FTCDNL1: variants seen among roughly 807,000 people sequenced by gnomAD.
The protein encoded by FTCDNL1 is formiminotransferase cyclodeaminase N-terminal like.
In FTCDNL1, 11 loss-of-function variants were observed where a neutral mutation model predicts 5.9. The observed-to-expected ratio is 1.87, with a 90% CI of 1.18 to 3.10. The LOEUF (loss-of-function observed/expected upper bound fraction) is 3.10. FTCDNL1 is among the 30% of genes most tolerant of loss of function. The pLI is 0.00. For synonymous variants in FTCDNL1, 58 were observed against 24.8 expected (o/e 2.34, Z -3.99); for missense variants, 115 against 65.5 (o/e 1.76, Z -2.61).
chr2:199,669,358 C>T, the FTCDNL1 span, among the ~76,000 whole-genome samples: 1 of 152,160 alleles, frequency 6.6e-6, no homozygotes, highest in South Asian at 2.1e-4. Context: ...GGGAAACAAA[C>T]AGCTTGGAGG....
At chr2:199,765,556 A>ATATTTT in intron 3 of FTCDNL1, among the ~76,000 whole-genome samples, 11 of 42,652 alleles carry the variant, frequency 2.6e-4, no homozygotes, top group Admixed American at 8.5e-4. Context: ...ATATATATAT[A>ATATTTT]TTTTTTTTTT....
chr2:199,809,641 A>G lies in FTCDNL1; in HGVS notation c.*3064T>C, dbSNP rs1000741311. Among the ~76,000 whole-genome samples, 1 of 152,212 alleles carries G rather than the reference A, an allele frequency of 6.6e-6. No homozygotes were observed. The highest frequency in any genetic ancestry group is 1.9e-4 in the East Asian group (1 of 5,202). The stretch of plus-strand genomic sequence containing the variant: ...CTTTCAAATAAAATTTCTTCTGCCA[A>G]TACCCTTCTCTTTGCTCAAAAACAG... On this transcript the variant is annotated 3_prime_UTR_variant, in exon 5 of 5. Transcript: ENST00000420128.
chr2:199,728,733 G>C, the FTCDNL1 span, among the ~76,000 whole-genome samples: 30 of 152,192 alleles, frequency 2.0e-4, no homozygotes, highest in African/African-American at 7.0e-4. Context: ...GCTATCATTT[G>C]ATCACATTGA....
the FTCDNL1 span, among the ~76,000 whole-genome samples, chr2:199,701,742 C>T: frequency 3.3e-5 from 5 of 152,106 alleles, no homozygotes; most frequent in Admixed American, 6.6e-5. Flanking sequence ...CACTTATAAG[C>T]GGGAGCTAGG....
At chr2:199,717,596 A>G in the FTCDNL1 span, among the ~76,000 whole-genome samples, 4 of 145,262 alleles carry the variant, frequency 2.8e-5, no homozygotes, top group East Asian at 2.1e-4. Flanking sequence ...ATAATATACA[A>G]CCAACAAGGA....
chr2:199,796,600 C>T (rs1700183310), intron 3 of FTCDNL1, among the ~76,000 whole-genome samples: 1 of 152,020 alleles, frequency 6.6e-6, no homozygotes, highest in Non-Finnish European at 1.5e-5. Context: ...TTCTTCAAGT[C>T]GATGTCCAGA....
Position 199,819,728 on chromosome 2 carries a change from G to A in FTCDNL1, c.241C>T (p.Pro81Ser), listed in dbSNP as rs1253887677. The A allele has an allele frequency of 4.3e-6, 3 of 702,168 alleles. No homozygotes were observed. The African/African-American group carries it at 5.2e-5, about 12-fold the overall frequency. 43.5% of individuals were successfully genotyped at this position (702,168 alleles called of 1,614,324 possible). The change falls in exon 4 of 5, where the codon CCT (proline) becomes TCT (serine). Residue 81 changes from proline (P) to serine (S), a missense_variant. Transcript: ENST00000420128. The part of the protein sequence containing the change: ...GLAEDLVLHV[P>S]GCSVFLFGEA... The stretch of plus-strand genomic sequence containing the variant: ...CCAAAGAGAAACACGCTGCAGCCAG[G>A]AACATGCAGCACCAGATCCTCAGCA...
chr2:199,754,037 C>T, the FTCDNL1 span, among the ~76,000 whole-genome samples: 1 of 152,190 alleles, frequency 6.6e-6, no homozygotes, highest in African/African-American at 2.4e-5. Flanking sequence ...GCAAAAGTGC[C>T]AGTGACTTGG....
intron 3 of FTCDNL1, among the ~76,000 whole-genome samples, chr2:199,833,691 T>C (rs996920416): frequency 6.6e-6 from 1 of 152,212 alleles, no homozygotes; most frequent in Non-Finnish European, 1.5e-5. Context: ...CATGAGTTAC[T>C]TTGCTTTCCT....
intron 3 of FTCDNL1, among the ~76,000 whole-genome samples, chr2:199,839,236 C>T (rs544058892): frequency 1.1e-4 from 16 of 151,610 alleles, no homozygotes; most frequent in East Asian, 9.7e-4. Flanking sequence ...AAGAAGAAAC[C>T]GAAATGATCC....
chr2:199,768,387 A>C (rs1000211311), intron 3 of FTCDNL1, among the ~76,000 whole-genome samples: 3 of 152,168 alleles, frequency 2.0e-5, no homozygotes, highest in African/African-American at 7.2e-5. Context: ...AGTCTTCTAC[A>C]TCATTTTATG....
chr2:199,689,119 C>G, the FTCDNL1 span, among the ~76,000 whole-genome samples: 1 of 152,130 alleles, frequency 6.6e-6, no homozygotes. Context: ...TGATGAAATA[C>G]TGCATAGTTA....
At chr2:199,664,062 T>C in the FTCDNL1 span, among the ~76,000 whole-genome samples, 1 of 151,380 alleles carries the variant, frequency 6.6e-6, no homozygotes, top group African/African-American at 2.4e-5. Flanking sequence ...AAAAGTACTA[T>C]AATTGAACAA....
intron 4 of FTCDNL1, among the ~76,000 whole-genome samples, chr2:199,815,550 A>G (rs1035028791): frequency 1.3e-5 from 2 of 152,224 alleles, no homozygotes; most frequent in Non-Finnish European, 2.9e-5. Flanking sequence ...TAACCAAAAA[A>G]AAAGTTAGAA....
intron 3 of FTCDNL1, among the ~76,000 whole-genome samples, chr2:199,774,058 T>C (rs1698942861): frequency 6.6e-6 from 1 of 152,230 alleles, no homozygotes; most frequent in Non-Finnish European, 1.5e-5. Flanking sequence ...CAATGTTTTG[T>C]AATACATCCA....
At chr2:199,808,010 C>T (rs1458164769), downstream of FTCDNL1, among the ~76,000 whole-genome samples, 3 of 152,130 alleles carry the variant, frequency 2.0e-5, no homozygotes, top group Non-Finnish European at 4.4e-5. Flanking sequence ...TTGGTACTCT[C>T]CTCATGACAG....
chr2:199,826,040 CTG>C (rs1459543427), intron 3 of FTCDNL1, among the ~76,000 whole-genome samples: 1 of 152,214 alleles, frequency 6.6e-6, no homozygotes, highest in Non-Finnish European at 1.5e-5. Flanking sequence ...AAAGCACAAA[CTG>C]TGATGCCCAA....
the FTCDNL1 span, among the ~76,000 whole-genome samples, chr2:199,705,975 T>C: frequency 0.75 from 113,353 of 152,016 alleles, 42,803 homozygotes; most frequent in South Asian, 0.9. Flanking sequence ...CCCTTGCTAA[T>C]AATCCCTGTC....
At chr2:199,767,116 A>C (rs765724482) in intron 3 of FTCDNL1, among the ~76,000 whole-genome samples, 5 of 152,226 alleles carry the variant, frequency 3.3e-5, no homozygotes, top group Non-Finnish European at 7.3e-5. Context: ...GAAGTTTATA[A>C]AATCAAAATG....
Sources: gnomAD v4.1 joint callset for allele counts (sites outside exome capture counted in the v4.1 genomes callset) on GRCh38, gnomAD v4.1.1 for gene constraint, MANE v1.5 for transcripts, NCBI Gene and HGNC (gene_info 2026-07-23, HGNC 2026-07-21) for gene names.